Variants in LIPI observed in about 807,000 individuals in gnomAD.
LIPI encodes the protein lipase member I.
In LIPI, 59 loss-of-function variants were observed where a neutral mutation model predicts 50.6. The observed-to-expected ratio is 1.16, with a 90% confidence interval of 0.94 to 1.45. The LOEUF (loss-of-function observed/expected upper bound fraction) is 1.45. LIPI is among the 40% of genes most tolerant of loss of function. LIPI has a pLI of 0.00. For missense variants in LIPI, 586 were observed against 536.3 expected (o/e 1.09, Z -0.92); for synonymous variants, 203 against 178.2 (o/e 1.14, Z -1.11).
rs62226898 is a variant in LIPI at position 14,181,387 on chromosome 21, G to T, written c.643+371C>A. Among the ~76,000 whole-genome samples, 481 of 152,218 alleles carry T rather than the reference G, an allele frequency of 3.2e-3. 1 individual carries two copies. The highest frequency in any genetic ancestry group is 7.9e-3 in the Admixed American group (120 of 15,282). ...TTCTAGTCGATATATATCATAGCAAGAAAATAAGCGGGGAGAATGGTAACC... is the reference window on the plus strand; with the variant it reads ...TTCTAGTCGATATATATCATAGCAATAAAATAAGCGGGGAGAATGGTAACC... On this transcript the variant is annotated intron_variant, in intron 4 of 9. Coordinates refer to ENST00000681601, the MANE Select transcript of LIPI (RefSeq NM_001302998.2).
intron 4 of LIPI, among the ~76,000 whole-genome samples, chr21:14,173,883 T>A (rs1446839874): frequency 6.6e-6 from 1 of 151,906 alleles, no homozygotes; most frequent in Non-Finnish European, 1.5e-5. Flanking sequence ...CAATGGTGAC[T>A]TGATTGGGAC....
At chr21:14,120,923 G>T (rs370902254) in intron 9 of LIPI, among the ~76,000 whole-genome samples, 1 of 152,162 alleles carries the variant, frequency 6.6e-6, no homozygotes, top group South Asian at 2.1e-4. Context: ...TGTGTTACTT[G>T]CATCCAGAAT....
At chr21:14,138,213 A>G (rs2017576990) in intron 9 of LIPI, among the ~76,000 whole-genome samples, 1 of 152,148 alleles carries the variant, frequency 6.6e-6, no homozygotes, top group South Asian at 2.1e-4. Flanking sequence ...AAAAATAAAA[A>G]TAAAGATTAA....
chr21:14,192,285 T>C (rs1323631907), intron 1 of LIPI, among the ~76,000 whole-genome samples: 1 of 152,080 alleles, frequency 6.6e-6, no homozygotes, highest in Admixed American at 6.5e-5. Flanking sequence ...GACAACATGG[T>C]GAAACCTCAT....
chr21:14,161,917 TA>T (rs1406134505), intron 7 of LIPI, among the ~76,000 whole-genome samples: 1 of 137,572 alleles, frequency 7.3e-6, no homozygotes, highest in Non-Finnish European at 1.5e-5. Flanking sequence ...AACATATAGA[TA>T]TATGTATTTC....
intron 4 of LIPI, among the ~76,000 whole-genome samples, chr21:14,171,229 T>C (rs1002933121): frequency 2.8e-4 from 42 of 150,294 alleles, no homozygotes; most frequent in African/African-American, 6.8e-4. Flanking sequence ...TACAAACAAA[T>C]GGAAGAACAT....
At chr21:14,209,082 TAA>T (rs1165448269) in intron 1 of LIPI, among the ~76,000 whole-genome samples, 2 of 152,118 alleles carry the variant, frequency 1.3e-5, no homozygotes, top group Non-Finnish European at 2.9e-5. Flanking sequence ...CCTTGCAATA[TAA>T]TAACAGCAAC....
In LIPI at chr21:14,113,243, G is replaced by T. The variant is rs575870165; in HGVS notation, c.1296-4163C>A. On this transcript the variant is annotated intron_variant, in intron 9 of 9. Transcript: ENST00000681601. The stretch of plus-strand genomic sequence containing the variant: ...AAGCTGGAAAATGGACCCATATGAG[G>T]TGAAAAATCAACCAATTGAAACTAA... 3.0e-4 allele frequency among the ~76,000 whole-genome samples: 45 copies of T among 152,268 alleles called. No homozygotes were observed. In the South Asian group the frequency reaches 8.9e-3, roughly 30 times the overall value.
At chr21:14,138,271 T>C (rs2017580421) in intron 9 of LIPI, among the ~76,000 whole-genome samples, 1 of 152,088 alleles carries the variant, frequency 6.6e-6, no homozygotes, top group African/African-American at 2.4e-5. Flanking sequence ...GATAGATAGA[T>C]AGATAAAAAA....
chr21:14,120,914 G>A (rs772724500), intron 9 of LIPI, among the ~76,000 whole-genome samples: 3 of 152,184 alleles, frequency 2.0e-5, no homozygotes, highest in African/African-American at 4.8e-5. Flanking sequence ...TGTGAGCAGT[G>A]TGTTACTTGC....
intron 8 of LIPI, among the ~76,000 whole-genome samples, chr21:14,151,318 T>C (rs2018082369): frequency 6.6e-6 from 1 of 152,200 alleles, no homozygotes; most frequent in Non-Finnish European, 1.5e-5. Context: ...AGTCAGGGAC[T>C]TTCTCCTGGC....
chr21:14,181,965 T>A, intron 3 of LIPI, 106 bp from the exon 4 acceptor site: 1 of 712,152 alleles, frequency 1.4e-6, no homozygotes, highest in Non-Finnish European at 2.5e-6. Flanking sequence ...ATTTATACTT[T>A]TAGTTTAAAC....
rs569437216 is a variant in LIPI, at chr21:14,116,707, A to G, written c.1296-7627T>C. 3.3e-5 allele frequency among the ~76,000 whole-genome samples: 5 copies of G among 152,280 alleles called. No individual in the cohort carries two copies. The South Asian group carries it at 1.0e-3, about 32-fold the overall frequency. ...AGACAACAGCCTGGGTACCCTGATC[A>G]GTTCCCATACATAGACTCCTGGCTG... On this transcript the variant is annotated intron_variant, in intron 9 of 9. Coordinates refer to ENST00000681601, the MANE Select transcript of LIPI (RefSeq NM_001302998.2).
At chr21:14,147,428 C>T (rs1402459729) in intron 8 of LIPI, among the ~76,000 whole-genome samples, 1 of 152,140 alleles carries the variant, frequency 6.6e-6, no homozygotes, top group Non-Finnish European at 1.5e-5. Context: ...TTTCTCACCA[C>T]AGTATCCCCA....
rs118104943 is a variant in LIPI at position 14,179,332 on chromosome 21, G to A, written c.643+2426C>T. On this transcript the variant is annotated intron_variant, in intron 4 of 9. Coordinates refer to ENST00000681601, the MANE Select transcript of LIPI (RefSeq NM_001302998.2). ...CACGCATATCATTCAGAAATTTCTC[G>A]GACAGGTACATATGCAGCATCAAAA... is the stretch of plus-strand genomic sequence containing the variant. Among the ~76,000 whole-genome samples the A allele has an allele frequency of 6.0e-3, 917 of 151,834 alleles. 6 individuals carry two copies. Among genetic ancestry groups the A allele is most frequent in the African/African-American group, 0.014 (572 of 41,398 alleles).
chr21:14,122,959 T>C (rs2016919363), intron 9 of LIPI, among the ~76,000 whole-genome samples: 3 of 152,190 alleles, frequency 2.0e-5, no homozygotes. Context: ...ATTCCACCAA[T>C]GTCAGCCAAG....
At chr21:14,210,071 A>T (rs981326810) in intron 1 of LIPI, among the ~76,000 whole-genome samples, 4 of 152,056 alleles carry the variant, frequency 2.6e-5, no homozygotes, top group African/African-American at 9.7e-5. Flanking sequence ...CAAATTTCAA[A>T]TAAATTTAAA....
At chr21:14,109,489 T>C (rs192173916) in intron 9 of LIPI, among the ~76,000 whole-genome samples, 1 of 152,228 alleles carries the variant, frequency 6.6e-6, no homozygotes, top group East Asian at 1.9e-4. Context: ...ATCAGTCCTC[T>C]TATGCCACCT....
rs575654199 is a variant in LIPI, at chr21:14,189,708, TTAA to T, written c.47-292_47-290del. 2.1e-4 allele frequency among the ~76,000 whole-genome samples: 32 copies of T among 152,256 alleles called. No individual in the cohort carries two copies. The East Asian group carries it at 6.2e-3, about 29-fold the overall frequency. On this transcript the variant is annotated intron_variant, in intron 1 of 9. Transcript: ENST00000681601. ...ATGGGTGTGAGCGAAAATAAGATTG[TTAA>T]TAAAGTGCAATGGGTACTAATCAAA... is the stretch of plus-strand genomic sequence containing the variant.
Sources: gnomAD v4.1 joint callset for allele counts (sites outside exome capture counted in the v4.1 genomes callset) on GRCh38, gnomAD v4.1.1 for gene constraint, MANE v1.5 for transcripts, NCBI Gene and HGNC (gene_info 2026-07-23, HGNC 2026-07-21) for gene names.